Variants in SSR1 observed in about 807,000 individuals in gnomAD.
SSR1 encodes the protein signal sequence receptor subunit 1.
In SSR1, 13 loss-of-function variants were observed where a neutral mutation model predicts 36.1. The observed-to-expected ratio is 0.36, with a 90% CI of 0.23 to 0.57. The LOEUF (loss-of-function observed/expected upper bound fraction) is 0.57, where lower values mean the gene tolerates loss of function less well. Ranked by LOEUF, SSR1 falls within the 20% of genes least tolerant of loss-of-function variation. The pLI, the probability that SSR1 is intolerant of heterozygous loss-of-function variation, is 0.81. For missense variants in SSR1, 291 were observed against 338.5 expected, an observed-to-expected ratio of 0.86 and a Z score of 1.10; for synonymous variants, 113 against 118.9, an observed-to-expected ratio of 0.95 and a Z score of 0.32.
rs1015458918 is a variant in SSR1 at position 7,282,566 on chromosome 6, A to G, written c.*7298T>C. On this transcript the variant is annotated 3_prime_UTR_variant, in exon 8 of 8. Transcript: ENST00000244763. ...CCCTTGAAACCAGATCCGGGAAGCC[A>G]TCAGTCAAAAAGCCTGTGTGGTCAC... 7.2e-5 allele frequency: 11 copies of G among 152,302 alleles called. No homozygotes were observed. The highest frequency in any genetic ancestry group is 1.6e-4 in the Non-Finnish European group (11 of 68,084). 9.4% of individuals were successfully genotyped at this position (152,302 alleles called of 1,614,324 possible).
At position 7,282,216 on chromosome 6, in the gene SSR1, G is replaced by A. The variant is rs1490760846; in HGVS notation, c.*7648C>T. 2 of 152,304 alleles carry A rather than the reference G, an allele frequency of 1.3e-5. No individual in the cohort carries two copies. The highest frequency in any genetic ancestry group is 1.3e-4 in the Admixed American group (2 of 15,270). 9.4% of individuals were successfully genotyped at this position (152,304 alleles called of 1,614,324 possible). ...GCTAAAGGAAAGCTGAAAACCTGGCGACGAAAAGGAAGCCAAGAACATAGG... is the reference window on the plus strand; with the variant it reads ...GCTAAAGGAAAGCTGAAAACCTGGCAACGAAAAGGAAGCCAAGAACATAGG... On this transcript the variant is annotated 3_prime_UTR_variant, in exon 8 of 8. Transcript: ENST00000244763.
In SSR1 at chr6:7,298,006, T is replaced by C. The variant is rs541016502; in HGVS notation, c.621-5A>G. 1 of 1,610,156 alleles carries C rather than the reference T, an allele frequency of 6.2e-7. No individual in the cohort carries two copies. The highest frequency in any genetic ancestry group is 8.5e-7 in the Non-Finnish European group (1 of 1,177,102). On this transcript the variant is annotated splice_polypyrimidine_tract_variant and splice_region_variant and intron_variant, in intron 5 of 7. Coordinates refer to ENST00000244763, the MANE Select transcript of SSR1 (RefSeq NM_003144.5). Reference sequence around the variant, plus strand: ...AGGAACATATACATAAAGATTCTGGTACAAAAGGAGAAAATATGAACTGTC... The same window carrying C: ...AGGAACATATACATAAAGATTCTGGCACAAAAGGAGAAAATATGAACTGTC...
chr6:7,312,164 A>G (rs1021045295), intron 1 of SSR1, among the ~76,000 whole-genome samples: 2 of 152,266 alleles, frequency 1.3e-5, no homozygotes, highest in Non-Finnish European at 2.9e-5. Context: ...AGAAAGTCGA[A>G]GTTCACGACA....
At chr6:7,300,205 C>T (rs1757903244) in intron 4 of SSR1, among the ~76,000 whole-genome samples, 2 of 152,182 alleles carry the variant, frequency 1.3e-5, no homozygotes, top group South Asian at 4.1e-4. Context: ...GATTGCAGCA[C>T]TAGAAATTTA....
At position 7,297,937 on chromosome 6, in the gene SSR1, G is replaced by A. The variant is rs1439239335; in HGVS notation, c.685C>T (p.Leu229=). The change falls in exon 6 of 8, where the codon CTA becomes TTA. Residue 229 remains leucine (L), a synonymous_variant. Coordinates refer to ENST00000244763, the MANE Select transcript of SSR1 (RefSeq NM_003144.5). Reference sequence around the variant, plus strand: ...TCCATAATTACCTTTCTAGATTCTAGGAGTTGATGAAGGCCAACAATAACC... The same window carrying A: ...TCCATAATTACCTTTCTAGATTCTAAGAGTTGATGAAGGCCAACAATAACC... ...LLVIVGLHQL[L]ESRKRKRPIQ... is the part of the protein sequence containing the mutation. 6.2e-7 allele frequency: 1 copy of A among 1,613,104 alleles called. No homozygotes were observed. The highest frequency in any genetic ancestry group is 8.5e-7 in the Non-Finnish European group (1 of 1,179,466).
Position 7,281,968 on chromosome 6 carries a change from G to A in SSR1, c.*7896C>T, listed in dbSNP as rs956450230. 1 of 152,448 alleles carries A rather than the reference G, an allele frequency of 6.6e-6. No individual in the cohort carries two copies. The highest frequency in any genetic ancestry group is 1.5e-5 in the Non-Finnish European group (1 of 68,198). 9.4% of individuals were successfully genotyped at this position (152,448 alleles called of 1,614,324 possible). On this transcript the variant is annotated 3_prime_UTR_variant, in exon 8 of 8. Transcript: ENST00000244763. ...GAAAGGCTGGTGCAGAGAGCAGGAC[G>A]GTGAGCCTGAGTGAGCCTGGAGTTA... is the stretch of plus-strand genomic sequence containing the variant.
intron 2 of SSR1, among the ~76,000 whole-genome samples, chr6:7,303,912 G>A (rs141910871): frequency 6.6e-5 from 10 of 152,276 alleles, no homozygotes; most frequent in East Asian, 3.9e-4. Flanking sequence ...GCTTGAATCC[G>A]GGAGGTAGAG....
chr6:7,303,490 G>T, intron 3 of SSR1, 60 bp downstream of exon 3: 1 of 1,222,438 alleles, frequency 8.2e-7, no homozygotes, highest in South Asian at 1.3e-5. Flanking sequence ...AGATATATAT[G>T]AACAAGCTCA....
At chr6:7,299,523 A>AC (rs756307608) in intron 4 of SSR1, among the ~76,000 whole-genome samples, 25 of 151,942 alleles carry the variant, frequency 1.6e-4, no homozygotes, top group South Asian at 6.2e-4. Flanking sequence ...ACATGGAGAA[A>AC]CCCCCTCTCT....
intron 4 of SSR1, among the ~76,000 whole-genome samples, chr6:7,299,198 G>C (rs751080393): frequency 6.0e-4 from 91 of 152,320 alleles, no homozygotes; most frequent in Non-Finnish European, 9.8e-4. Context: ...TTCTGGGGTA[G>C]GGGTGGTGGT....
Position 7,281,976 on chromosome 6 carries a change from T to TGAGTGAGCCTG in SSR1, c.*7877_*7887dup, listed in dbSNP as rs1423251857. 6.6e-6 allele frequency: 1 copy of TGAGTGAGCCTG among 152,390 alleles called. No homozygotes were observed. The highest frequency in any genetic ancestry group is 2.4e-5 in the African/African-American group (1 of 41,432). 9.4% of individuals were successfully genotyped at this position (152,390 alleles called of 1,614,324 possible). On this transcript the variant is annotated 3_prime_UTR_variant, in exon 8 of 8. Coordinates refer to ENST00000244763, the MANE Select transcript of SSR1 (RefSeq NM_003144.5). Reference sequence around the variant, plus strand: ...GGTGCAGAGAGCAGGACGGTGAGCCTGAGTGAGCCTGGAGTTAGTCAACAG... The same window carrying TGAGTGAGCCTG: ...GGTGCAGAGAGCAGGACGGTGAGCCTGAGTGAGCCTGGAGTGAGCCTGGAGTTAGTCAACAG...
intron 2 of SSR1, among the ~76,000 whole-genome samples, chr6:7,305,353 G>A (rs182128830): frequency 7.9e-4 from 120 of 152,226 alleles, no homozygotes; most frequent in African/African-American, 2.3e-3. Context: ...GGATAACAAC[G>A]GAAAACAAGG....
At chr6:7,291,964 T>G (rs1757693796) in intron 7 of SSR1, among the ~76,000 whole-genome samples, 1 of 152,040 alleles carries the variant, frequency 6.6e-6, no homozygotes, top group Admixed American at 6.6e-5. Context: ...TCCCAGTTAT[T>G]TGGGAGGCTG....
intron 2 of SSR1, among the ~76,000 whole-genome samples, chr6:7,304,643 C>T (rs1462676963): frequency 6.6e-6 from 1 of 152,172 alleles, no homozygotes; most frequent in Non-Finnish European, 1.5e-5. Flanking sequence ...GATACATAAA[C>T]TGTATCTCAA....
At chr6:7,312,914 G>C in intron 1 of SSR1, 128 bp downstream of exon 1, 1 of 919,524 alleles carries the variant, frequency 1.1e-6, no homozygotes, top group Non-Finnish European at 1.7e-6. Context: ...TTGGGGAGAG[G>C]GCGGAGAGAG....
rs9502596 is a variant in SSR1, at chr6:7,306,655, G to A, written c.193-3018C>T. Reference sequence around the variant, plus strand: ...GACTAGGCCAGGTGCAGTGGCTCATGCCTGTAATCCCAGCACTTCGGGAGG... The same window carrying A: ...GACTAGGCCAGGTGCAGTGGCTCATACCTGTAATCCCAGCACTTCGGGAGG... On this transcript the variant is annotated intron_variant, in intron 2 of 7. Coordinates refer to ENST00000244763, the MANE Select transcript of SSR1 (RefSeq NM_003144.5). Among the ~76,000 whole-genome samples, 166 of 151,270 alleles carry A rather than the reference G, an allele frequency of 1.1e-3. 3 individuals carry two copies. Among genetic ancestry groups the A allele is most frequent in the Middle Eastern group, 3.5e-3 (1 of 284 alleles).
At chr6:7,309,724 G>A (rs1581638513) in intron 2 of SSR1, among the ~76,000 whole-genome samples, 193 bp downstream of exon 2, 1 of 152,306 alleles carries the variant, frequency 6.6e-6, no homozygotes, top group East Asian at 1.9e-4. Flanking sequence ...TTGTGAAGAA[G>A]GACATGTTTG....
chr6:7,307,305 C>CT (rs1162769832), intron 2 of SSR1, among the ~76,000 whole-genome samples: 6 of 152,294 alleles, frequency 3.9e-5, no homozygotes, highest in Non-Finnish European at 8.8e-5. Flanking sequence ...AATACTTTTC[C>CT]TGCCTTTCTA....
In SSR1 at chr6:7,281,755, T is replaced by C. The variant is rs768654744; in HGVS notation, c.*8109A>G. Reference sequence around the variant, plus strand: ...CGAGTCATGTTGAATGACAAAAAGTTAGACTGGGGAGATTTATGGAGAGAA... The same window carrying C: ...CGAGTCATGTTGAATGACAAAAAGTCAGACTGGGGAGATTTATGGAGAGAA... On this transcript the variant is annotated 3_prime_UTR_variant, in exon 8 of 8. Transcript: ENST00000244763. 6.6e-6 allele frequency: 1 copy of C among 152,220 alleles called. No homozygotes were observed. Among genetic ancestry groups the C allele is most frequent in the Admixed American group, 6.5e-5 (1 of 15,278 alleles). 9.4% of individuals were successfully genotyped at this position (152,220 alleles called of 1,614,324 possible). A position where few individuals can be genotyped will look rare whatever the true frequency, so the allele number is the denominator to read the frequency against.
Sources: allele counts gnomAD v4.1 joint callset (sites outside exome capture counted in the v4.1 genomes callset), GRCh38; gene constraint gnomAD v4.1.1; transcripts MANE v1.5; gene names NCBI Gene and HGNC (gene_info 2026-07-23, HGNC 2026-07-21).